The following SMPD2 variants were observed in gnomAD, a reference collection of about 807,000 sequenced individuals.
SMPD2 encodes the protein sphingomyelin phosphodiesterase 2, also known as N-SMase.
A neutral mutation model predicts 41.7 loss-of-function variants in SMPD2; 35 were observed. The observed-to-expected ratio is 0.84, with a 90% CI of 0.64 to 1.11. The LOEUF (loss-of-function observed/expected upper bound fraction) is 1.11, where lower values mean the gene tolerates loss of function less well. Ranked by LOEUF, SMPD2 falls within the 50% of genes most tolerant of loss-of-function variation. The pLI is 0.00. For synonymous variants in SMPD2, 201 were observed against 208.2 expected (o/e 0.97, Z 0.30); for missense variants, 520 against 524.8 (o/e 0.99, Z 0.09).
chr6:109,441,328 C>T lies in SMPD2; in HGVS notation c.51-29C>T, dbSNP rs780239201. 4.2e-5 allele frequency: 67 copies of T among 1,606,986 alleles called. No individual in the cohort carries two copies. The South Asian group carries it at 4.7e-4, about 11-fold the overall frequency. On this transcript the variant is annotated intron_variant, in intron 1 of 9. Coordinates refer to ENST00000258052, the MANE Select transcript of SMPD2 (RefSeq NM_003080.3). ...CAGCGCCGGTGGTCCCAGCAGTCGC[C>T]TCCCCTGCCCCGCTCTTCCCTTCCT...
intron 2 of SMPD2, 23 bp from the exon 3 acceptor site, chr6:109,441,529 G>A (rs1299654015): frequency 3.1e-6 from 5 of 1,613,974 alleles, no homozygotes; most frequent in Non-Finnish European, 4.2e-6. Flanking sequence ...AGACCAAGCA[G>A]GCATCCTCAC....
At chr6:109,443,126 T>C (rs1474191767) in intron 8 of SMPD2, 45 bp downstream of exon 8, 1 of 1,565,230 alleles carries the variant, frequency 6.4e-7, no homozygotes, top group South Asian at 1.1e-5. Flanking sequence ...TGTGTCTCTT[T>C]GTCTACTAAC....
In SMPD2 at chr6:109,443,611, C is replaced by A; in HGVS notation, c.978C>A (p.Phe326Leu). Residue 326 changes from phenylalanine (F) to leucine (L), a missense_variant, in exon 10 of 10, where the codon TTC (phenylalanine) becomes TTA (leucine). By Grantham distance (22) the Phe-to-Leu change is conservative (BLOSUM62 0). Transcript: ENST00000258052. Reference sequence around the variant, plus strand: ...CTCAGGCTCGCTGGTGGGCCACCTTCGCTAGCTATGTGATTGGCCTGGGGC... The same window carrying A: ...CTCAGGCTCGCTGGTGGGCCACCTTAGCTAGCTATGTGATTGGCCTGGGGC... ...GMAQARWWAT[F>L]ASYVIGLGLL... 3 of 1,613,880 alleles carry A rather than the reference C, an allele frequency of 1.9e-6. No homozygotes were observed. The highest frequency in any genetic ancestry group is 1.7e-6 in the Non-Finnish European group (2 of 1,179,984).
At chr6:109,443,480 T>C in intron 9 of SMPD2, 37 bp from the exon 10 acceptor site, 1 of 1,609,076 alleles carries the variant, frequency 6.2e-7, no homozygotes, top group Non-Finnish European at 8.5e-7. Flanking sequence ...CTTCCACTCT[T>C]GACTCTCTCC....
intron 3 of SMPD2, 33 bp from the exon 4 acceptor site, chr6:109,441,939 GTT>G (rs1300156522): frequency 6.3e-7 from 1 of 1,596,464 alleles, no homozygotes; most frequent in Non-Finnish European, 8.6e-7. Context: ...GTCTCTCCCT[GTT>G]TTTCTGGTTA....
In SMPD2 at chr6:109,441,212, G is replaced by A. The variant is rs759287216; in HGVS notation, c.50+41G>A. 17 of 1,611,976 alleles carry A rather than the reference G, an allele frequency of 1.1e-5. 1 individual carries two copies. In the Middle Eastern group the frequency reaches 5.0e-4, roughly 47 times the overall value. On this transcript the variant is annotated intron_variant, in intron 1 of 9. Coordinates refer to ENST00000258052, the MANE Select transcript of SMPD2 (RefSeq NM_003080.3). ...GAGTGCGGTCTGGGGGCCACCTTCC[G>A]TTCGCACCCATGCAGCCTTCCTCCC...
rs772779104 is a variant in SMPD2 at position 109,443,715 on chromosome 6, G to T, written c.1082G>T (p.Ser361Ile). ...GEAAILLWTP[S>I]VGLVLWAGAF... Reference sequence around the variant, plus strand: ...GCTGCCATACTGCTCTGGACCCCCAGTGTAGGGCTGGTGCTGTGGGCAGGT... The same window carrying T: ...GCTGCCATACTGCTCTGGACCCCCATTGTAGGGCTGGTGCTGTGGGCAGGT... Residue 361 changes from serine to isoleucine, a missense_variant, in exon 10 of 10, where the codon AGT (serine) becomes ATT (isoleucine). Physicochemically the swap from Ser to Ile is moderately radical, Grantham distance 142. Transcript: ENST00000258052. 29 of 1,613,960 alleles carry T rather than the reference G, an allele frequency of 1.8e-5. No homozygotes were observed. The highest frequency in any genetic ancestry group is 1.2e-4 in the Admixed American group (7 of 60,014).
intron 2 of SMPD2, 34 bp downstream of exon 2, chr6:109,441,487 T>G (rs778654994): frequency 1.2e-5 from 19 of 1,612,682 alleles, no homozygotes; most frequent in Non-Finnish European, 1.6e-5. Context: ...GAACCCAGGC[T>G]GGGAGGAGGG....
In SMPD2 at chr6:109,441,113, T is replaced by G. The variant is rs1471179708; in HGVS notation, c.-9T>G. ...TCGAGCCGCCTAGCGCCCCTGGAGC[T>G]CCCCAACCATGAAGCCCAACTTCTC... On this transcript the variant is annotated 5_prime_UTR_variant, in exon 1 of 10. Transcript: ENST00000258052. 20 of 1,613,906 alleles carry G rather than the reference T, an allele frequency of 1.2e-5. No homozygotes were observed. The highest frequency in any genetic ancestry group is 1.6e-5 in the Non-Finnish European group (19 of 1,179,984).
Position 109,443,881 on chromosome 6 carries a change from G to C in SMPD2, c.1248G>C (p.Glu416Asp). ...PQPALLLGQQ[E>D]GDRTKEQ The stretch of plus-strand genomic sequence containing the variant: ...CAGCCCTACTCCTGGGGCAGCAGGA[G>C]GGGGACAGAACTAAAGAACAATAAA... Residue 416 changes from glutamate to aspartate, a missense_variant, in exon 10 of 10, where the codon GAG (glutamate) becomes GAC (aspartate). Physicochemically the swap from Glu to Asp is conservative, Grantham distance 45. Coordinates refer to ENST00000258052, the MANE Select transcript of SMPD2 (RefSeq NM_003080.3). 1 of 1,611,574 alleles carries C rather than the reference G, an allele frequency of 6.2e-7. No individual in the cohort carries two copies. The highest frequency in any genetic ancestry group is 8.5e-7 in the Non-Finnish European group (1 of 1,179,256).
Position 109,443,713 on chromosome 6 carries a change from C to T in SMPD2, c.1080C>T (p.Pro360=), listed in dbSNP as rs1208854578. 1 of 1,613,946 alleles carries T rather than the reference C, an allele frequency of 6.2e-7. No homozygotes were observed. Among genetic ancestry groups the T allele is most frequent in the African/African-American group, 1.3e-5 (1 of 74,942 alleles). Residue 360 remains proline (P), a synonymous_variant, in exon 10 of 10, where the codon CCC becomes CCT. Transcript: ENST00000258052. ...AGEAAILLWT[P]SVGLVLWAGA... is the part of the protein sequence containing the mutation. Reference sequence around the variant, plus strand: ...AAGCTGCCATACTGCTCTGGACCCCCAGTGTAGGGCTGGTGCTGTGGGCAG... The same window carrying T: ...AAGCTGCCATACTGCTCTGGACCCCTAGTGTAGGGCTGGTGCTGTGGGCAG...
chr6:109,441,358 G>T lies in SMPD2; in HGVS notation c.52G>T (p.Gly18Cys), dbSNP rs1276762729. The change falls in exon 2 of 10, where the codon GGC (glycine) becomes TGC (cysteine). Residue 18 changes from glycine to cysteine, a missense_variant and splice_region_variant. Physicochemically the swap from Gly to Cys is radical, Grantham distance 159. Transcript: ENST00000258052. Reference sequence around the variant, plus strand: ...CTGCCCCGCTCTTCCCTTCCTTAGGGGCATTCCGTACTTGAGCAAGCACCG... The same window carrying T: ...CTGCCCCGCTCTTCCCTTCCTTAGGTGCATTCCGTACTTGAGCAAGCACCG... ...RLRIFNLNCW[G>C]IPYLSKHRAD... 1 of 1,613,704 alleles carries T rather than the reference G, an allele frequency of 6.2e-7. No homozygotes were observed. The highest frequency in any genetic ancestry group is 8.5e-7 in the Non-Finnish European group (1 of 1,179,792).
In SMPD2 at chr6:109,443,307, C is replaced by T. The variant is rs1775034064; in HGVS notation, c.770C>T (p.Thr257Ile). ...GFYISCKSFE[T>I]TTGFDPHRGT... ...TACATCTCCTGTAAGAGTTTTGAAA[C>T]CACTACAGGCTTTGACCCTCACAGG... The change falls in exon 9 of 10, where the codon ACC becomes ATC. Residue 257 changes from threonine to isoleucine, a missense_variant. Physicochemically the swap from Thr to Ile is moderately conservative, Grantham distance 89 (BLOSUM62 -1). Transcript: ENST00000258052. 1.2e-6 allele frequency: 2 copies of T among 1,613,966 alleles called. No homozygotes were observed. Among genetic ancestry groups the T allele is most frequent in the East Asian group, 2.2e-5 (1 of 44,884 alleles).
In SMPD2 at chr6:109,440,767, C is replaced by T; in HGVS notation, c.-355C>T. On this transcript the variant is annotated 5_prime_UTR_variant, in exon 1 of 10. Transcript: ENST00000258052. ...TGCTGGGCCGCCGGCGCGCGGGCGG[C>T]CGCGACCGCCGGGGACGAGCTTGGA... 1 of 338,612 alleles carries T rather than the reference C, an allele frequency of 3.0e-6. No homozygotes were observed. Among genetic ancestry groups the T allele is most frequent in the Non-Finnish European group, 4.9e-6 (1 of 203,864 alleles). 21.0% of individuals were successfully genotyped at this position (338,612 alleles called of 1,614,324 possible).
At chr6:109,443,240 C>A in intron 8 of SMPD2, 27 bp from the exon 9 acceptor site, 40 of 1,487,562 alleles carry the variant, frequency 2.7e-5, no homozygotes, top group Admixed American at 1.2e-4. Context: ...CATATATAAG[C>A]TTCTCTCTGG....
chr6:109,441,495 G>C, intron 2 of SMPD2, 42 bp downstream of exon 2: 1 of 1,612,498 alleles, frequency 6.2e-7, no homozygotes. Flanking sequence ...GCTGGGAGGA[G>C]GGACAGACCG....
chr6:109,441,154 C>G lies in SMPD2; in HGVS notation c.33C>G (p.Ile11Met). Residue 11 changes from isoleucine (I) to methionine (M), a missense_variant, in exon 1 of 10, where the codon ATC becomes ATG. By Grantham distance (10) the Ile-to-Met change is conservative (BLOSUM62 1). Transcript: ENST00000258052. MKPNFSLRLRIFNLNCWGIPY... is the reference protein window; with the variant it reads MKPNFSLRLRMFNLNCWGIPY... ...CCAACTTCTCCCTGCGACTGCGGAT[C>G]TTCAACCTCAACTGCTGGTGAGTGC... is the stretch of plus-strand genomic sequence containing the variant. 1 of 1,614,214 alleles carries G rather than the reference C, an allele frequency of 6.2e-7. No individual in the cohort carries two copies.
intron 3 of SMPD2, 38 bp from the exon 4 acceptor site, chr6:109,441,936 C>T: frequency 2.5e-6 from 4 of 1,581,210 alleles, no homozygotes; most frequent in Non-Finnish European, 3.5e-6. Flanking sequence ...GGTGTCTCTC[C>T]CTGTTTTTCT....
chr6:109,442,179 G>A (rs1193399010), intron 4 of SMPD2, 31 bp from the exon 5 acceptor site: 1 of 1,608,584 alleles, frequency 6.2e-7, no homozygotes, highest in Admixed American at 1.7e-5. Context: ...TGGTGGCGGT[G>A]CCCTGAGTTT....
Sources: allele counts gnomAD v4.1 joint callset, GRCh38; gene constraint gnomAD v4.1.1; transcripts MANE v1.5; gene names NCBI Gene and HGNC (gene_info 2026-07-23, HGNC 2026-07-21).